Variants in TMEM243 observed in about 807,000 individuals in gnomAD.
TMEM243 encodes the protein transmembrane protein 243, also known as MDR1 and mitochondrial taxol resistance associated.
In TMEM243, 20 loss-of-function variants were observed where a neutral mutation model predicts 15.0. The observed-to-expected ratio is 1.33, with a 90% CI of 0.94 to 1.93. TMEM243 has a LOEUF of 1.93. Ranked by LOEUF, TMEM243 falls within the 30% of genes most tolerant of loss-of-function variation. The probability of loss-of-function intolerance (pLI) is 0.00; values close to 1 mark genes in which losing one functional copy is unlikely to be tolerated. For synonymous variants in TMEM243, 72 were observed against 52.7 expected (o/e 1.37, Z -1.59); for missense variants, 156 against 142.1 (o/e 1.10, Z -0.50).
At chr7:87,211,596 C>T (rs1802754087) in intron 1 of TMEM243, among the ~76,000 whole-genome samples, 2 of 152,164 alleles carry the variant, frequency 1.3e-5, no homozygotes, top group Admixed American at 1.3e-4. Context: ...GTAAGTGGCC[C>T]AGTCAGAAGC....
Position 87,197,715 on chromosome 7 carries a change from TTAA to T in TMEM243, c.234+223_234+225del, listed in dbSNP as rs374090490. The T allele has an allele frequency of 3.3e-3, 917 of 275,398 alleles. 6 individuals are homozygous for T. The highest frequency in any genetic ancestry group is 5.6e-3 in the Middle Eastern group (3 of 534). The allele number at this position is 275,398 out of a possible 1,614,324, so 17.1% of individuals were successfully genotyped here. A position where few individuals can be genotyped will look rare whatever the true frequency, so the allele number is the denominator to read the frequency against. ...TTTTTTTTTTTTTTTTTTTTTTTTT[TTAA>T]GCTATCAAGGGAGTGGAATTTCTCT... On this transcript the variant is annotated intron_variant, in intron 3 of 3. Coordinates refer to ENST00000257637, the MANE Select transcript of TMEM243 (RefSeq NM_024315.4).
At chr7:87,207,042 C>G (rs1186299553) in intron 1 of TMEM243, among the ~76,000 whole-genome samples, 1 of 152,230 alleles carries the variant, frequency 6.6e-6, no homozygotes, top group Non-Finnish European at 1.5e-5. Context: ...GTCTGCCAGC[C>G]ACAAAGGTGC....
chr7:87,197,711 T>A, intron 3 of TMEM243: 3 of 980,268 alleles, frequency 3.1e-6, no homozygotes, highest in African/African-American at 5.5e-5. Flanking sequence ...TTTTTTTTTT[T>A]TTTTTAAGCT....
At chr7:87,215,846 A>G (rs1439460405) in intron 1 of TMEM243, among the ~76,000 whole-genome samples, 1 of 152,134 alleles carries the variant, frequency 6.6e-6, no homozygotes. Flanking sequence ...TTGTCTTGTC[A>G]ATAATCCCTA....
intron 1 of TMEM243, among the ~76,000 whole-genome samples, chr7:87,203,991 A>T (rs1053901131): frequency 2.0e-5 from 3 of 152,202 alleles, no homozygotes; most frequent in Non-Finnish European, 4.4e-5. Flanking sequence ...ACCCAAAACC[A>T]GGTAGTTTGT....
chr7:87,212,825 G>A (rs1378063985), intron 1 of TMEM243, among the ~76,000 whole-genome samples: 1 of 152,064 alleles, frequency 6.6e-6, no homozygotes, highest in East Asian at 1.9e-4. Context: ...TGTCCCTAGG[G>A]CTAAAAAGGC....
chr7:87,203,301 G>C (rs1020955858), intron 1 of TMEM243, among the ~76,000 whole-genome samples: 3 of 151,990 alleles, frequency 2.0e-5, no homozygotes, highest in Non-Finnish European at 4.4e-5. Flanking sequence ...TGGTGGAATG[G>C]GGGGGAAAAA....
chr7:87,197,711 TTTTTTAA>T, intron 3 of TMEM243: 9 of 980,242 alleles, frequency 9.2e-6, no homozygotes, highest in Non-Finnish European at 9.9e-6. Context: ...TTTTTTTTTT[TTTTTTAA>T]GCTATCAAGG....
At chr7:87,214,039 C>A (rs1226913442) in intron 1 of TMEM243, among the ~76,000 whole-genome samples, 2 of 152,224 alleles carry the variant, frequency 1.3e-5, no homozygotes, top group African/African-American at 2.4e-5. Flanking sequence ...TGATCAGTGA[C>A]CACCCACAGA....
At chr7:87,209,232 G>C (rs1562884006) in intron 1 of TMEM243, among the ~76,000 whole-genome samples, 2 of 151,436 alleles carry the variant, frequency 1.3e-5, no homozygotes. Flanking sequence ...TGGCTGGGGA[G>C]ACCTCAGGAA....
intron 1 of TMEM243, among the ~76,000 whole-genome samples, 169 bp downstream of exon 1, chr7:87,219,257 A>T (rs1803318362): frequency 6.6e-6 from 1 of 152,208 alleles, no homozygotes; most frequent in Non-Finnish European, 1.5e-5. Context: ...GTCCCAAAGC[A>T]GGCGACGATT....
At chr7:87,196,979 C>T (rs1801332221) in intron 3 of TMEM243, among the ~76,000 whole-genome samples, 1 of 151,952 alleles carries the variant, frequency 6.6e-6, no homozygotes, top group Non-Finnish European at 1.5e-5. Context: ...AGTTTACTTT[C>T]CTCTATATTC....
At chr7:87,213,513 G>C (rs1802902263) in intron 1 of TMEM243, among the ~76,000 whole-genome samples, 1 of 152,190 alleles carries the variant, frequency 6.6e-6, no homozygotes, top group African/African-American at 2.4e-5. Flanking sequence ...AATAGCATTG[G>C]TAGCTCTAAG....
At chr7:87,207,661 C>T (rs1250988552) in intron 1 of TMEM243, among the ~76,000 whole-genome samples, 2 of 152,208 alleles carry the variant, frequency 1.3e-5, no homozygotes, top group Admixed American at 1.3e-4. Context: ...CTACTACATT[C>T]TTGAGGGAGA....
chr7:87,196,942 C>G (rs1000943180), intron 3 of TMEM243, among the ~76,000 whole-genome samples, 184 bp from the exon 4 acceptor site: 1 of 151,940 alleles, frequency 6.6e-6, no homozygotes, highest in Non-Finnish European at 1.5e-5. Flanking sequence ...TTTCCACATC[C>G]AAGATCATAC....
At chr7:87,202,635 G>C (rs1260722088) in intron 1 of TMEM243, among the ~76,000 whole-genome samples, 1 of 152,138 alleles carries the variant, frequency 6.6e-6, no homozygotes, top group East Asian at 1.9e-4. Context: ...ACACGGCTAG[G>C]TAATGGCAAA....
intron 1 of TMEM243, among the ~76,000 whole-genome samples, chr7:87,212,463 A>G (rs537401157): frequency 1.3e-5 from 2 of 152,356 alleles, no homozygotes; most frequent in South Asian, 4.1e-4. Flanking sequence ...CAGTAAGCAA[A>G]GGATATTACC....
intron 1 of TMEM243, among the ~76,000 whole-genome samples, chr7:87,212,182 T>C (rs1195929889): frequency 6.6e-6 from 1 of 152,166 alleles, no homozygotes; most frequent in Non-Finnish European, 1.5e-5. Flanking sequence ...GGTCAGTAAA[T>C]GGCAGCTAAT....
intron 1 of TMEM243, among the ~76,000 whole-genome samples, chr7:87,218,316 T>C (rs1054820021): frequency 2.0e-5 from 3 of 152,228 alleles, no homozygotes; most frequent in African/African-American, 7.2e-5. Flanking sequence ...TGCATCTTCC[T>C]GGAGATCGAG....
Sources: allele counts gnomAD v4.1 joint callset (sites outside exome capture counted in the v4.1 genomes callset), GRCh38; gene constraint gnomAD v4.1.1; transcripts MANE v1.5; gene names NCBI Gene and HGNC (gene_info 2026-07-23, HGNC 2026-07-21).